OR6N1: variants seen among roughly 807,000 people sequenced by gnomAD.
OR6N1 encodes the protein olfactory receptor 6N1.
For synonymous variants in OR6N1, 170 were observed against 150.7 expected (o/e 1.13, Z -0.94); for missense variants, 394 against 371.7 (o/e 1.06, Z -0.49).
upstream of OR6N1, chr1:158,777,130 CA>C: frequency 6.2e-7 from 1 of 1,614,068 alleles, no homozygotes; most frequent in Non-Finnish European, 8.5e-7. Context: ...ATTGTAAGCA[CA>C]AAATGGGAGC....
chr1:158,787,635 T>TCTCA, the OR6N1 span, among the ~76,000 whole-genome samples: 708 of 134,312 alleles, frequency 5.3e-3, 1 homozygote, highest in South Asian at 0.023. Flanking sequence ...TCTCTCTCTC[T>TCTCA]CACACACACA....
chr1:158,777,530 G>C, the OR6N1 span: 1 of 1,614,126 alleles, frequency 6.2e-7, no homozygotes, highest in East Asian at 2.2e-5. Flanking sequence ...ATGGTGAACA[G>C]GTATGCCAAT....
the OR6N1 span, among the ~76,000 whole-genome samples, chr1:158,812,436 T>C: frequency 2.0e-5 from 3 of 152,230 alleles, no homozygotes; most frequent in Non-Finnish European, 4.4e-5. Flanking sequence ...TGAGATCTTC[T>C]TCCTGTTAAG....
At chr1:158,773,748 A>G (rs1291110014), upstream of OR6N1, among the ~76,000 whole-genome samples, 2 of 152,150 alleles carry the variant, frequency 1.3e-5, no homozygotes, top group Non-Finnish European at 1.5e-5. Flanking sequence ...GCCATAGTCT[A>G]TCCTAGCACC....
At chr1:158,830,005 C>T in the OR6N1 span, among the ~76,000 whole-genome samples, 1 of 152,154 alleles carries the variant, frequency 6.6e-6, no homozygotes, top group Admixed American at 6.5e-5. Flanking sequence ...AAAGATCTGC[C>T]CCCATAATTC....
chr1:158,838,776 A>T, the OR6N1 span, among the ~76,000 whole-genome samples: 7 of 152,186 alleles, frequency 4.6e-5, no homozygotes, highest in East Asian at 3.9e-4. Context: ...TATATCTTTT[A>T]AAAAAGTTTG....
chr1:158,806,905 A>G, the OR6N1 span, among the ~76,000 whole-genome samples: 12,943 of 148,430 alleles, frequency 0.087, 581 homozygotes, highest in East Asian at 0.12. Context: ...TGGGAGGCTG[A>G]GGCAGGAGAA....
At chr1:158,769,359 T>A (rs896579191) in intron 1 of OR6N1, among the ~76,000 whole-genome samples, 2 of 152,158 alleles carry the variant, frequency 1.3e-5, no homozygotes, top group African/African-American at 4.8e-5. Flanking sequence ...AGATGGGGTT[T>A]AGCCATATTG....
At chr1:158,829,380 T>C in the OR6N1 span, among the ~76,000 whole-genome samples, 1 of 152,180 alleles carries the variant, frequency 6.6e-6, no homozygotes, top group Non-Finnish European at 1.5e-5. Context: ...TTCCATCAGA[T>C]ACCCTAAATC....
the OR6N1 span, chr1:158,777,551 C>G: frequency 6.2e-7 from 1 of 1,614,056 alleles, no homozygotes; most frequent in South Asian, 1.1e-5. Flanking sequence ...AGCAGCAGGA[C>G]AAAAAGCCAG....
the OR6N1 span, among the ~76,000 whole-genome samples, chr1:158,787,154 T>C: frequency 6.6e-6 from 1 of 152,000 alleles, no homozygotes; most frequent in East Asian, 1.9e-4. Flanking sequence ...TGTGAGATCT[T>C]GTTGCTTAAA....
the OR6N1 span, among the ~76,000 whole-genome samples, chr1:158,802,427 C>T: frequency 1.3e-5 from 2 of 152,016 alleles, no homozygotes. Context: ...CCAAGATGGT[C>T]TCGCTCTCCT....
the OR6N1 span, among the ~76,000 whole-genome samples, chr1:158,833,408 G>C: frequency 6.6e-6 from 1 of 152,096 alleles, no homozygotes; most frequent in Admixed American, 6.5e-5. Context: ...CATTCATATT[G>C]TTGTGCAACC....
the OR6N1 span, among the ~76,000 whole-genome samples, chr1:158,826,607 G>C: frequency 3.3e-5 from 5 of 152,294 alleles, no homozygotes; most frequent in African/African-American, 1.2e-4. Flanking sequence ...ATGAAATGCA[G>C]TAAATGCTAA....
the OR6N1 span, among the ~76,000 whole-genome samples, chr1:158,804,619 G>T: frequency 6.6e-6 from 1 of 152,052 alleles, no homozygotes; most frequent in Non-Finnish European, 1.5e-5. Flanking sequence ...AATAAATAGA[G>T]AAATAATTTT....
the OR6N1 span, among the ~76,000 whole-genome samples, chr1:158,787,773 C>T: frequency 6.6e-6 from 1 of 152,006 alleles, no homozygotes; most frequent in African/African-American, 2.4e-5. Flanking sequence ...TATATCTCTC[C>T]CTTTCTCAGA....
the OR6N1 span, among the ~76,000 whole-genome samples, chr1:158,784,548 C>T: frequency 4.6e-5 from 7 of 152,304 alleles, no homozygotes; most frequent in East Asian, 1.4e-3. Context: ...ACTTCATACC[C>T]TTTAATCGAC....
chr1:158,829,100 G>A, the OR6N1 span, among the ~76,000 whole-genome samples: 5 of 152,160 alleles, frequency 3.3e-5, no homozygotes, highest in African/African-American at 4.8e-5. Flanking sequence ...TACACCTCCA[G>A]GCCTGTGATG....
At chr1:158,822,719 G>T in the OR6N1 span, among the ~76,000 whole-genome samples, 2 of 152,164 alleles carry the variant, frequency 1.3e-5, no homozygotes, top group Admixed American at 1.3e-4. Flanking sequence ...TTGCCCGATT[G>T]TTCTGGCCAG....
Sources: gnomAD v4.1 joint callset for allele counts (sites outside exome capture counted in the v4.1 genomes callset) on GRCh38, gnomAD v4.1.1 for gene constraint, MANE v1.5 for transcripts, NCBI Gene and HGNC (gene_info 2026-07-23, HGNC 2026-07-21) for gene names.